DNAJC9: variants seen among roughly 807,000 people sequenced by gnomAD.
DNAJC9 encodes the protein DnaJ heat shock protein family (Hsp40) member C9, also known as dnaJ homolog subfamily C member 9.
A neutral mutation model predicts 32.4 loss-of-function variants in DNAJC9; 18 were observed. The observed-to-expected ratio is 0.56, with a 90% confidence interval of 0.38 to 0.82. The LOEUF (loss-of-function observed/expected upper bound fraction) is 0.82, where lower values mean the gene tolerates loss of function less well. Among genes scored for constraint, DNAJC9 ranks in the 40% least tolerant of loss-of-function variants. The probability of loss-of-function intolerance (pLI) is 0.00; values close to 1 mark genes in which losing one functional copy is unlikely to be tolerated. For missense variants in DNAJC9, 310 were observed against 321.8 expected (o/e 0.96, Z 0.28); for synonymous variants, 113 against 122.1 (o/e 0.93, Z 0.49).
intron 3 of DNAJC9, among the ~76,000 whole-genome samples, chr10:73,245,391 C>T (rs910439686): frequency 7.0e-6 from 1 of 143,574 alleles, no homozygotes; most frequent in African/African-American, 2.6e-5. Flanking sequence ...AAACTGTCTT[C>T]CACAAAACAG....
chr10:73,245,856 T>A (rs2044000534), intron 3 of DNAJC9, 66 bp downstream of exon 3: 1 of 1,575,254 alleles, frequency 6.3e-7, no homozygotes. Context: ...CTTCTACTGC[T>A]GTAAATACTC....
chr10:73,241,062 T>A, downstream of DNAJC9: 1 of 1,103,598 alleles, frequency 9.1e-7, no homozygotes, highest in Non-Finnish European at 1.3e-6. Context: ...AACACGAGAT[T>A]TCATGAAGCA....
downstream of DNAJC9, among the ~76,000 whole-genome samples, chr10:73,240,575 G>A (rs996836744): frequency 6.6e-6 from 1 of 152,116 alleles, no homozygotes; most frequent in Non-Finnish European, 1.5e-5. Flanking sequence ...AGCCGGGTGT[G>A]GTGGCAGATG....
downstream of DNAJC9, chr10:73,234,872 A>C (rs1352072811): frequency 6.4e-7 from 1 of 1,551,780 alleles, no homozygotes; most frequent in Non-Finnish European, 8.7e-7. Context: ...GAGTCGAAAT[A>C]ATCTGCTACC....
At chr10:73,239,436 C>A (rs185387390), downstream of DNAJC9, 3 of 1,372,872 alleles carry the variant, frequency 2.2e-6, no homozygotes, top group East Asian at 5.0e-5. Flanking sequence ...GTGTTAAGAC[C>A]CAGCCTTTGT....
chr10:73,234,390 C>T (rs927341057), downstream of DNAJC9: 4 of 167,694 alleles, frequency 2.4e-5, no homozygotes, highest in African/African-American at 9.6e-5. Flanking sequence ...CAAGCTGCTC[C>T]AGATCCTACT....
chr10:73,247,231 G>C lies in DNAJC9; in HGVS notation c.-42C>G, dbSNP rs768627124. ...ACCCCGGAGGAAGCAGCCGCTCCCA[G>C]CTGCGCCGGGTACAACCCAGGACTG... On this transcript the variant is annotated 5_prime_UTR_variant, in exon 1 of 5. Coordinates refer to ENST00000372950, the MANE Select transcript of DNAJC9 (RefSeq NM_015190.5). 3 of 1,561,418 alleles carry C rather than the reference G, an allele frequency of 1.9e-6. No individual in the cohort carries two copies. In the South Asian group the frequency reaches 3.5e-5, roughly 18 times the overall value.
At chr10:73,232,486 G>A (rs914339373) in intron 2 of DNAJC9, among the ~76,000 whole-genome samples, 1 of 152,188 alleles carries the variant, frequency 6.6e-6, no homozygotes, top group Non-Finnish European at 1.5e-5. Context: ...GAGCCACACT[G>A]GTGCCACAAC....
chr10:73,235,934 A>G (rs1037996498), downstream of DNAJC9, among the ~76,000 whole-genome samples: 1 of 152,148 alleles, frequency 6.6e-6, no homozygotes, highest in African/African-American at 2.4e-5. Context: ...CTGATCAGCA[A>G]TGGGGTCATG....
rs1443813174 is a variant in DNAJC9 at position 73,247,118 on chromosome 10, G to A, written c.72C>T (p.Arg24=). The part of the protein sequence containing the change: ...ADLYRVLGVR[R]EASDGEVRRG... ...GTCGGACCTCGCCGTCGGAGGCCTC[G>A]CGTCGCACGCCCAGCACCCGGTAAA... Residue 24 remains arginine, a synonymous_variant, in exon 1 of 5, where the codon CGC becomes CGT. Transcript: ENST00000372950. 1.3e-6 allele frequency: 2 copies of A among 1,595,470 alleles called. No homozygotes were observed. The highest frequency in any genetic ancestry group is 2.3e-5 in the East Asian group (1 of 43,458).
rs143682019 is a variant in DNAJC9 at position 73,246,039 on chromosome 10, G to A, written c.459C>T (p.Tyr153=). 5.0e-6 allele frequency: 8 copies of A among 1,613,722 alleles called. No homozygotes were observed. Among genetic ancestry groups the A allele is most frequent in the Admixed American group, 1.7e-5 (1 of 59,970 alleles). Residue 153 remains tyrosine, a synonymous_variant, in exon 3 of 5, where the codon TAC becomes TAT. Coordinates refer to ENST00000372950, the MANE Select transcript of DNAJC9 (RefSeq NM_015190.5). ...QIMESVLCVQ[Y]TEEPRIRNII... ...TATTCCTTATCCTGGGTTCCTCTGT[G>A]TACTGCACGCAAAGCACAGACTCCA...
downstream of DNAJC9, among the ~76,000 whole-genome samples, chr10:73,236,469 A>T (rs1428695750): frequency 7.0e-6 from 1 of 142,634 alleles, no homozygotes; most frequent in South Asian, 2.2e-4. Context: ...GGTGGAGTGT[A>T]ATGGCGCAAT....
At chr10:73,232,482 C>T (rs1227572898) in intron 2 of DNAJC9, among the ~76,000 whole-genome samples, 1 of 152,218 alleles carries the variant, frequency 6.6e-6, no homozygotes, top group Non-Finnish European at 1.5e-5. Flanking sequence ...GTGGGAGCCA[C>T]ACTGGTGCCA....
downstream of DNAJC9, chr10:73,235,164 T>C (rs2043794064): frequency 6.5e-7 from 1 of 1,549,812 alleles, no homozygotes; most frequent in African/African-American, 1.4e-5. Flanking sequence ...TAGTTTTCAC[T>C]GTTTCTGTAA....
At chr10:73,244,994 CT>C (rs1330696971) in intron 3 of DNAJC9, among the ~76,000 whole-genome samples, 2 of 152,192 alleles carry the variant, frequency 1.3e-5, no homozygotes, top group African/African-American at 2.4e-5. Context: ...AGCTAACAGT[CT>C]ACTGTGAATG....
downstream of DNAJC9, chr10:73,234,924 G>A: frequency 1.3e-6 from 2 of 1,551,964 alleles, no homozygotes; most frequent in Non-Finnish European, 1.7e-6. Flanking sequence ...AGCACTGTGG[G>A]GCCACAAAGA....
Position 73,243,550 on chromosome 10 carries a change from C to A in DNAJC9, c.664-31G>T, listed in dbSNP as rs373612378. 5 of 1,613,144 alleles carry A rather than the reference C, an allele frequency of 3.1e-6. No homozygotes were observed. In the African/African-American group the frequency reaches 6.7e-5, roughly 22 times the overall value. On this transcript the variant is annotated intron_variant, in intron 4 of 4. Transcript: ENST00000372950. ...TGAGAAGTTAAAACACAAGCTTTCA[C>A]AACATTATCCATAGACAGAAAGTAC...
intron 2 of DNAJC9, chr10:73,232,977 G>T: frequency 7.7e-6 from 12 of 1,551,932 alleles, no homozygotes; most frequent in Non-Finnish European, 1.0e-5. Flanking sequence ...CCTGGGTCCA[G>T]TACCATCCTT....
chr10:73,235,399 G>T (rs1276675223), downstream of DNAJC9: 6 of 1,532,490 alleles, frequency 3.9e-6, no homozygotes, highest in Non-Finnish European at 5.3e-6. Context: ...GCAGACTTAA[G>T]ATTTTATCTA....
Sources: allele counts gnomAD v4.1 joint callset (sites outside exome capture counted in the v4.1 genomes callset), GRCh38; gene constraint gnomAD v4.1.1; transcripts MANE v1.5; gene names NCBI Gene and HGNC (gene_info 2026-07-23, HGNC 2026-07-21).